The following PTAFR variants were observed in gnomAD, a reference collection of about 807,000 sequenced individuals.
The protein encoded by PTAFR is platelet-activating factor receptor.
A neutral mutation model predicts 14.7 loss-of-function variants in PTAFR; 8 were observed. That is an observed-to-expected ratio of 0.54 (90% CI 0.32 to 0.98). The LOEUF is 0.98. PTAFR is among the 50% of genes least tolerant of loss of function. The pLI is 0.04. For missense variants in PTAFR, 337 were observed against 451.2 expected, an observed-to-expected ratio of 0.75 and a Z score of 2.29; for synonymous variants, 156 against 176.5, an observed-to-expected ratio of 0.88 and a Z score of 0.92.
chr1:28,192,815 T>C (rs1225151789), intron 1 of PTAFR, among the ~76,000 whole-genome samples: 1 of 151,662 alleles, frequency 6.6e-6, no homozygotes, highest in Non-Finnish European at 1.5e-5. Context: ...CCGGGCTAAT[T>C]TTTGTGTTTT....
intron 1 of PTAFR, among the ~76,000 whole-genome samples, chr1:28,170,452 C>G (rs1418149865): frequency 6.6e-6 from 1 of 152,072 alleles, no homozygotes; most frequent in Non-Finnish European, 1.5e-5. Flanking sequence ...ATCTATAATG[C>G]CAGCACTTTG....
intron 1 of PTAFR, among the ~76,000 whole-genome samples, chr1:28,193,047 C>T (rs1173827872): frequency 6.6e-6 from 1 of 152,160 alleles, no homozygotes; most frequent in Non-Finnish European, 1.5e-5. Context: ...GCCTGGCTGC[C>T]AGTGCATGAG....
intron 1 of PTAFR, among the ~76,000 whole-genome samples, chr1:28,160,609 T>C (rs1646312702): frequency 7.5e-6 from 1 of 133,714 alleles, no homozygotes; most frequent in Non-Finnish European, 1.5e-5. Context: ...AAATTGTGCC[T>C]GCATGCTAAT....
At chr1:28,190,389 T>C (rs1646642780) in intron 1 of PTAFR, among the ~76,000 whole-genome samples, 1 of 152,182 alleles carries the variant, frequency 6.6e-6, no homozygotes, top group African/African-American at 2.4e-5. Flanking sequence ...GTGGAATGAG[T>C]GTGGGTACAC....
At chr1:28,168,108 G>A (rs535567869) in intron 1 of PTAFR, among the ~76,000 whole-genome samples, 31 of 148,044 alleles carry the variant, frequency 2.1e-4, no homozygotes, top group East Asian at 1.4e-3. Context: ...ACAGGTGCCC[G>A]CCACCACACC....
chr1:28,169,727 C>A (rs544235812), intron 1 of PTAFR, among the ~76,000 whole-genome samples: 5 of 152,256 alleles, frequency 3.3e-5, no homozygotes, highest in African/African-American at 1.2e-4. Flanking sequence ...GGGCTGGGCG[C>A]AGTGGCTCAT....
chr1:28,175,501 A>G (rs1174772423), intron 1 of PTAFR, among the ~76,000 whole-genome samples: 1 of 151,696 alleles, frequency 6.6e-6, no homozygotes, highest in Non-Finnish European at 1.5e-5. Context: ...CTGGGTATTC[A>G]GTCAGAGCTA....
At chr1:28,175,015 C>T (rs1367286310) in intron 1 of PTAFR, among the ~76,000 whole-genome samples, 4 of 152,178 alleles carry the variant, frequency 2.6e-5, no homozygotes, top group Admixed American at 1.3e-4. Context: ...CAACCTCCGC[C>T]TCCCAGGTTC....
chr1:28,175,306 C>T (rs1215975611), intron 1 of PTAFR, among the ~76,000 whole-genome samples: 1 of 152,024 alleles, frequency 6.6e-6, no homozygotes, highest in Non-Finnish European at 1.5e-5. Flanking sequence ...GAGCTGAGAT[C>T]GAAACCCCGG....
At chr1:28,151,865 A>G (rs1299108741) in intron 1 of PTAFR, among the ~76,000 whole-genome samples, 1 of 151,820 alleles carries the variant, frequency 6.6e-6, no homozygotes, top group Non-Finnish European at 1.5e-5. Flanking sequence ...TGAGAAATAC[A>G]TTTCTCTTCC....
chr1:28,189,944 G>T (rs1646638659), intron 1 of PTAFR, among the ~76,000 whole-genome samples: 2 of 151,672 alleles, frequency 1.3e-5, no homozygotes, highest in Non-Finnish European at 2.9e-5. Context: ...GGGATTACAG[G>T]CATGAGCCAC....
At chr1:28,168,180 C>G (rs915130122) in intron 1 of PTAFR, among the ~76,000 whole-genome samples, 1 of 146,524 alleles carries the variant, frequency 6.8e-6, no homozygotes, top group Non-Finnish European at 1.5e-5. Flanking sequence ...ACCGTGTTAG[C>G]CAGGATGGTC....
intron 1 of PTAFR, among the ~76,000 whole-genome samples, chr1:28,156,285 C>A (rs928728198): frequency 4.0e-5 from 6 of 151,782 alleles, no homozygotes; most frequent in Admixed American, 1.3e-4. Context: ...GAAAATATCA[C>A]CAATTATCTG....
intron 1 of PTAFR, among the ~76,000 whole-genome samples, chr1:28,153,985 C>T (rs972817105): frequency 1.4e-5 from 2 of 147,504 alleles, no homozygotes; most frequent in African/African-American, 5.0e-5. Context: ...GCCCGGGAGG[C>T]AGAGGTTGCA....
intron 1 of PTAFR, among the ~76,000 whole-genome samples, chr1:28,168,772 G>A (rs974110465): frequency 6.6e-6 from 1 of 152,012 alleles, no homozygotes; most frequent in South Asian, 2.1e-4. Flanking sequence ...GGGTTCAAGC[G>A]ATTCTCCTGC....
chr1:28,156,016 C>A (rs769064076), intron 1 of PTAFR, among the ~76,000 whole-genome samples: 2 of 151,942 alleles, frequency 1.3e-5, no homozygotes, highest in Non-Finnish European at 2.9e-5. Context: ...AATACCAGCA[C>A]TTTGGGAGGC....
At chr1:28,179,283 T>A (rs1646543897), upstream of PTAFR, among the ~76,000 whole-genome samples, 1 of 151,898 alleles carries the variant, frequency 6.6e-6, no homozygotes, top group African/African-American at 2.4e-5. Flanking sequence ...TTGCCCAGAG[T>A]CTCCAGGACG....
chr1:28,169,893 G>A (rs1022963407), intron 1 of PTAFR, among the ~76,000 whole-genome samples: 32 of 151,976 alleles, frequency 2.1e-4, no homozygotes, highest in African/African-American at 6.5e-4. Context: ...CCAGCTACTC[G>A]GGAGGCCGAG....
intron 1 of PTAFR, among the ~76,000 whole-genome samples, chr1:28,189,881 T>G (rs111715719): frequency 0.42 from 63,164 of 151,808 alleles, 14,611 homozygotes; most frequent in African/African-American, 0.62. Flanking sequence ...GGTCAGGCTG[T>G]TCTCTAAATC....
Sources: allele counts gnomAD v4.1 joint callset (sites outside exome capture counted in the v4.1 genomes callset), GRCh38; gene constraint gnomAD v4.1.1; transcripts MANE v1.5; gene names NCBI Gene and HGNC (gene_info 2026-07-23, HGNC 2026-07-21).